Variants in ABCA10 observed in about 807,000 individuals in gnomAD.
ABCA10 encodes the protein ATP binding cassette subfamily A member 10.
A neutral mutation model predicts 187.5 loss-of-function variants in ABCA10; 169 were observed. That is an observed-to-expected ratio of 0.90 (90% CI 0.80 to 1.02). ABCA10 has a LOEUF of 1.02. Ranked by LOEUF, ABCA10 falls within the 50% of genes least tolerant of loss-of-function variation. The pLI is 0.00. For synonymous variants in ABCA10, 574 were observed against 601.8 expected, an observed-to-expected ratio of 0.95 and a Z score of 0.68; for missense variants, 1,727 against 1,812.4, an observed-to-expected ratio of 0.95 and a Z score of 0.86.
chr17:69,193,919 T>A lies in ABCA10; in HGVS notation c.1416A>T (p.Gly472=), dbSNP rs189958535. 935 of 1,612,744 alleles carry A rather than the reference T, an allele frequency of 5.8e-4. 7 individuals are homozygous for A. Among genetic ancestry groups the A allele is most frequent in the Non-Finnish European group, 3.1e-5 (36 of 1,178,986 alleles). Reference sequence around the variant, plus strand: ...ATTGAAAATTGAACTGTGGACAAAATCCAATATTCTTTCTAATTTCTTCCA... The same window carrying A: ...ATTGAAAATTGAACTGTGGACAAAAACCAATATTCTTTCTAATTTCTTCCA... ...TDMEEIRKNI[G]FCPQFNFQFD... Residue 472 remains glycine, a synonymous_variant, in exon 13 of 39, where the codon GGA becomes GGT. Transcript: ENST00000690296.
intron 28 of ABCA10, 96 bp downstream of exon 28, chr17:69,156,736 T>C (rs1232329727): frequency 2.6e-6 from 2 of 764,788 alleles, no homozygotes; most frequent in Non-Finnish European, 3.6e-6. Context: ...CCTGTTTCTA[T>C]TTTCAAAAAC....
chr17:69,165,087 G>GA lies in ABCA10; in HGVS notation c.3163-5dup, dbSNP rs1461574395. Reference sequence around the variant, plus strand: ...TTGTGGATACACATATTAAGATCTAGAAAAAAATCCAGAAGTATTATAATT... The same window carrying GA: ...TTGTGGATACACATATTAAGATCTAGAAAAAAAATCCAGAAGTATTATAATT... On this transcript the variant is annotated splice_polypyrimidine_tract_variant and splice_region_variant and intron_variant, in intron 25 of 38. Coordinates refer to ENST00000690296, the MANE Select transcript of ABCA10 (RefSeq NM_001377321.1). The GA allele has an allele frequency of 3.9e-6, 6 of 1,534,050 alleles. No individual in the cohort carries two copies. The highest frequency in any genetic ancestry group is 4.5e-6 in the Non-Finnish European group (5 of 1,111,786).
At chr17:69,216,127 T>C in intron 7 of ABCA10, 90 bp downstream of exon 7, 1 of 1,541,268 alleles carries the variant, frequency 6.5e-7, no homozygotes, top group Non-Finnish European at 8.8e-7. Context: ...GAAAATATAG[T>C]GATTACACTA....
chr17:69,182,560 T>A, intron 21 of ABCA10, 115 bp downstream of exon 21: 1 of 1,307,862 alleles, frequency 7.6e-7, no homozygotes, highest in Non-Finnish European at 1.0e-6. Context: ...AAGCCTCCTC[T>A]AATATGATGC....
intron 25 of ABCA10, among the ~76,000 whole-genome samples, chr17:69,171,830 T>C (rs1274881389): frequency 1.3e-5 from 2 of 151,650 alleles, no homozygotes; most frequent in African/African-American, 2.4e-5. Flanking sequence ...AGCAGCTAAA[T>C]TATGTTTTAA....
At chr17:69,153,694 T>C in intron 32 of ABCA10, 137 bp downstream of exon 32, 1 of 1,441,536 alleles carries the variant, frequency 6.9e-7, no homozygotes, top group Non-Finnish European at 9.3e-7. Flanking sequence ...ATGATTTGGT[T>C]CTTATTCAGG....
intron 1 of ABCA10, among the ~76,000 whole-genome samples, chr17:69,241,194 G>T (rs1300492684): frequency 6.6e-6 from 1 of 152,064 alleles, no homozygotes; most frequent in Non-Finnish European, 1.5e-5. Flanking sequence ...TCTTCCAGAG[G>T]CTCAGACAAA....
In ABCA10 at chr17:69,153,906, G is replaced by A. The variant is rs773893541; in HGVS notation, c.3890C>T (p.Thr1297Ile). ...PQENSLWPKL[T>I]MKEHLELYAA... ...ATACAACTCCAAGTGCTCTTTCATT[G>A]TAAGCTTGGGCCACAGTGAGTTCTC... The change falls in exon 32 of 39, where the codon ACA (threonine) becomes ATA (isoleucine). Residue 1297 changes from threonine (T) to isoleucine (I), a missense_variant. Physicochemically the swap from Thr to Ile is moderately conservative, Grantham distance 89. Transcript: ENST00000690296. The A allele has an allele frequency of 2.5e-6, 4 of 1,613,878 alleles. No individual in the cohort carries two copies. Among genetic ancestry groups the A allele is most frequent in the Non-Finnish European group, 3.4e-6 (4 of 1,179,966 alleles).
intron 9 of ABCA10, among the ~76,000 whole-genome samples, chr17:69,206,798 T>C (rs2144823767): frequency 6.6e-6 from 1 of 152,166 alleles, no homozygotes; most frequent in Non-Finnish European, 1.5e-5. Flanking sequence ...AAGTAAAACC[T>C]GAAACTGTAA....
chr17:69,158,929 T>C (rs955483029), intron 27 of ABCA10, among the ~76,000 whole-genome samples: 2 of 151,998 alleles, frequency 1.3e-5, no homozygotes, highest in Non-Finnish European at 2.9e-5. Context: ...TTGGAAGACA[T>C]AAAATGGAGT....
chr17:69,160,860 A>C (rs549921660), intron 27 of ABCA10, among the ~76,000 whole-genome samples: 1 of 152,268 alleles, frequency 6.6e-6, no homozygotes, highest in South Asian at 2.1e-4. Context: ...GAGGTTCCTC[A>C]AAAAATAAAA....
intron 34 of ABCA10, among the ~76,000 whole-genome samples, chr17:69,153,095 TC>T (rs1313767560): frequency 6.6e-6 from 1 of 152,034 alleles, no homozygotes; most frequent in African/African-American, 2.4e-5. Flanking sequence ...ACAAATATAA[TC>T]AAGAGTTTAT....
Position 69,244,554 on chromosome 17 carries a change from T to C in ABCA10, c.-618A>G, listed in dbSNP as rs79991626. The C allele has an allele frequency of 3.5e-3, 527 of 151,876 alleles. 4 individuals are homozygous for C. Among genetic ancestry groups the C allele is most frequent in the African/African-American group, 0.012 (507 of 41,534 alleles). The allele number at this position is 151,876 out of a possible 1,614,324, so 9.4% of individuals were successfully genotyped here. On this transcript the variant is annotated 5_prime_UTR_variant, in exon 1 of 40. Coordinates refer to the ABCA10 transcript ENST00000269081. Reference sequence around the variant, plus strand: ...CTGATAAGAATAGCTGATATAAAAATTATTCATCTGAGAATAAATTCTTTC... The same window carrying C: ...CTGATAAGAATAGCTGATATAAAAACTATTCATCTGAGAATAAATTCTTTC...
chr17:69,179,192 C>CA (rs1267939275), intron 22 of ABCA10, among the ~76,000 whole-genome samples: 14 of 91,054 alleles, frequency 1.5e-4, no homozygotes, highest in Non-Finnish European at 3.0e-4. Flanking sequence ...CAAAAAAAAA[C>CA]AAAAAAACAA....
At chr17:69,215,641 G>A (rs1312631972) in intron 8 of ABCA10, 174 bp downstream of exon 8, 4 of 548,224 alleles carry the variant, frequency 7.3e-6, no homozygotes, top group African/African-American at 5.9e-5. Context: ...TGATCTGCCT[G>A]CTTTGTTTAT....
intron 12 of ABCA10, 102 bp downstream of exon 12, chr17:69,194,283 A>C: frequency 1.0e-6 from 1 of 974,218 alleles, no homozygotes; most frequent in Non-Finnish European, 1.6e-6. Flanking sequence ...TAAATTATTC[A>C]ACTGTGTAAC....
chr17:69,211,314 GATATATATATATATATATATATATAT>G lies in ABCA10; in HGVS notation c.1006+3364_1006+3389del, dbSNP rs58580286. Among the ~76,000 whole-genome samples, 92 of 30,352 alleles carry G rather than the reference GATATATATATATATATATATATATAT, an allele frequency of 3.0e-3. 3 individuals are homozygous for G. Among genetic ancestry groups the G allele is most frequent in the Admixed American group, 9.4e-3 (29 of 3,092 alleles). The allele number at this position is 30,352 out of a possible 152,430, so 19.9% of individuals were successfully genotyped here. ...TATCATATATATACATCATATATAT[GATATATATATATATATATATATATAT>G]ATATATATATATATATATATACACA... On this transcript the variant is annotated intron_variant, in intron 9 of 38. Transcript: ENST00000690296.
intron 9 of ABCA10, among the ~76,000 whole-genome samples, chr17:69,211,410 T>C (rs1425768076): frequency 3.4e-5 from 5 of 148,742 alleles, no homozygotes; most frequent in Non-Finnish European, 7.4e-5. Context: ...TAGCATCTAA[T>C]GTTCATCAGA....
chr17:69,182,212 G>A lies in ABCA10; in HGVS notation c.2710C>T (p.Leu904Phe). The change falls in exon 22 of 39, where the codon CTT (leucine) becomes TTT (phenylalanine). Residue 904 changes from leucine (L) to phenylalanine (F), a missense_variant. By Grantham distance (22) the Leu-to-Phe change is conservative. Coordinates refer to ENST00000690296, the MANE Select transcript of ABCA10 (RefSeq NM_001377321.1). ...TCCGTGAAGTTAAAAATTCCCATAA[G>A]GGCATTGCTAACAATTCCCATAAGA... ...PVLMGIVSNA[L>F]MGIFNFTELI... 1 of 1,599,046 alleles carries A rather than the reference G, an allele frequency of 6.3e-7. No homozygotes were observed. The highest frequency in any genetic ancestry group is 8.5e-7 in the Non-Finnish European group (1 of 1,172,134).
Sources: gnomAD v4.1 joint callset for allele counts (sites outside exome capture counted in the v4.1 genomes callset) on GRCh38, gnomAD v4.1.1 for gene constraint, MANE v1.5 for transcripts, NCBI Gene and HGNC (gene_info 2026-07-23, HGNC 2026-07-21) for gene names.